Variants in IMMP2L observed in about 807,000 individuals in gnomAD.
The protein encoded by IMMP2L is mitochondrial inner membrane protease subunit 2.
A neutral mutation model predicts 19.3 loss-of-function variants in IMMP2L; 18 were observed. The observed-to-expected ratio is 0.93, with a 90% CI of 0.64 to 1.38. The LOEUF is 1.38. Among genes scored for constraint, IMMP2L ranks in the 40% most tolerant of loss-of-function variants. The pLI, the probability that IMMP2L is intolerant of heterozygous loss-of-function variation, is 0.00. For synonymous variants in IMMP2L, 76 were observed against 73.0 expected (o/e 1.04, Z -0.21); for missense variants, 233 against 218.2 (o/e 1.07, Z -0.43).
intron 1 of IMMP2L, among the ~76,000 whole-genome samples, chr7:111,553,333 T>C (rs1209050150): frequency 6.6e-6 from 1 of 152,140 alleles, no homozygotes; most frequent in Admixed American, 6.5e-5. Flanking sequence ...GTAAGGATGA[T>C]CATTCCTACA....
At chr7:111,472,821 T>G (rs988409692) in intron 3 of IMMP2L, among the ~76,000 whole-genome samples, 1 of 151,952 alleles carries the variant, frequency 6.6e-6, no homozygotes, top group Non-Finnish European at 1.5e-5. Flanking sequence ...CTATGCTGAG[T>G]GCAGTGGCTC....
chr7:111,016,823 TAATATATA>T (rs1563163096), intron 3 of IMMP2L, among the ~76,000 whole-genome samples: 21 of 56,538 alleles, frequency 3.7e-4, no homozygotes, highest in East Asian at 2.2e-3. Flanking sequence ...ATATTATATA[TAATATATA>T]GTATATATTA....
intron 3 of IMMP2L, among the ~76,000 whole-genome samples, chr7:111,243,906 C>T (rs1269182109): frequency 2.3e-3 from 3 of 1,324 alleles, no homozygotes; most frequent in African/African-American, 0.011. Flanking sequence ...TTTCTTAATC[C>T]AGTCTATCAT....
chr7:110,918,822 C>A (rs1258896996), intron 4 of IMMP2L, among the ~76,000 whole-genome samples: 1 of 152,088 alleles, frequency 6.6e-6, no homozygotes, highest in African/African-American at 2.4e-5. Flanking sequence ...AAAATAATTT[C>A]TCTAATAATT....
At chr7:110,879,964 T>C (rs1433661316) in intron 5 of IMMP2L, among the ~76,000 whole-genome samples, 5 of 152,102 alleles carry the variant, frequency 3.3e-5, no homozygotes, top group Admixed American at 3.3e-4. Flanking sequence ...TTCAGAAAAA[T>C]CATTAGTGAC....
chr7:111,296,126 A>G (rs1821612621), intron 3 of IMMP2L, among the ~76,000 whole-genome samples: 1 of 151,868 alleles, frequency 6.6e-6, no homozygotes, highest in Admixed American at 6.6e-5. Flanking sequence ...AATATTTGCA[A>G]TAAGTATATC....
chr7:111,551,928 G>A (rs945572277), intron 1 of IMMP2L, among the ~76,000 whole-genome samples: 6 of 152,086 alleles, frequency 3.9e-5, no homozygotes, highest in African/African-American at 1.4e-4. Context: ...GGTAGAGCAA[G>A]TACTAAAAGA....
intron 3 of IMMP2L, among the ~76,000 whole-genome samples, chr7:111,430,631 G>A (rs934619469): frequency 2.0e-5 from 3 of 151,762 alleles, no homozygotes; most frequent in Non-Finnish European, 2.9e-5. Context: ...TAGAAAAGTG[G>A]TGTGATAACT....
At position 111,121,943 on chromosome 7, in the gene IMMP2L, C is replaced by T. The variant is rs1380164894; in HGVS notation, c.240-158378G>A. On this transcript the variant is annotated intron_variant, in intron 3 of 5. Transcript: ENST00000405709. ...GTCCTTTGTAGGGACATGGATGAAGCTGGAAATCATCATTCTCAGCAAACT... is the reference window on the plus strand; with the variant it reads ...GTCCTTTGTAGGGACATGGATGAAGTTGGAAATCATCATTCTCAGCAAACT... Among the ~76,000 whole-genome samples the T allele has an allele frequency of 3.9e-5, 6 of 152,110 alleles. No individual in the cohort carries two copies. The East Asian group carries it at 9.7e-4, about 25-fold the overall frequency.
At chr7:110,925,109 C>T (rs1277181985) in intron 4 of IMMP2L, among the ~76,000 whole-genome samples, 4 of 151,990 alleles carry the variant, frequency 2.6e-5, no homozygotes, top group African/African-American at 7.2e-5. Context: ...AAGATATTAG[C>T]GCTAAAACAG....
intron 3 of IMMP2L, among the ~76,000 whole-genome samples, chr7:110,998,560 C>T (rs74687531): frequency 0.015 from 2,304 of 152,198 alleles, 52 homozygotes; most frequent in African/African-American, 0.052. Context: ...GCAATATGTA[C>T]GCTGCTCTTT....
At chr7:111,073,987 T>C (rs576791389) in intron 3 of IMMP2L, among the ~76,000 whole-genome samples, 3 of 152,298 alleles carry the variant, frequency 2.0e-5, no homozygotes, top group African/African-American at 4.8e-5. Context: ...CCCAGGACAA[T>C]GTCCAAGCTC....
At chr7:110,848,166 T>C (rs1201893256) in intron 5 of IMMP2L, among the ~76,000 whole-genome samples, 1 of 152,128 alleles carries the variant, frequency 6.6e-6, no homozygotes, top group Non-Finnish European at 1.5e-5. Context: ...AAATGTCTGA[T>C]AGAGAACTAT....
intron 4 of IMMP2L, among the ~76,000 whole-genome samples, chr7:110,887,153 TA>T (rs1810305377): frequency 6.6e-6 from 1 of 152,096 alleles, no homozygotes; most frequent in African/African-American, 2.4e-5. Context: ...CATAACCTCT[TA>T]ATACTCTAAA....
chr7:110,719,319 A>T (rs1326948846), intron 5 of IMMP2L, among the ~76,000 whole-genome samples: 2 of 152,246 alleles, frequency 1.3e-5, no homozygotes, highest in Non-Finnish European at 2.9e-5. Flanking sequence ...GGTAAAATTT[A>T]GAGTCCATAA....
intron 5 of IMMP2L, among the ~76,000 whole-genome samples, chr7:110,771,661 C>A (rs1293494506): frequency 6.6e-6 from 1 of 152,164 alleles, no homozygotes; most frequent in Non-Finnish European, 1.5e-5. Flanking sequence ...TAAATGTTAA[C>A]TAAACATACG....
At chr7:110,914,357 C>T (rs1014660004) in intron 4 of IMMP2L, among the ~76,000 whole-genome samples, 1 of 152,162 alleles carries the variant, frequency 6.6e-6, no homozygotes, top group Admixed American at 6.5e-5. Context: ...ATTGAGTGAG[C>T]TCAACCAATT....
chr7:110,836,428 T>G (rs1458041628), intron 5 of IMMP2L, among the ~76,000 whole-genome samples: 1 of 152,174 alleles, frequency 6.6e-6, no homozygotes, highest in Non-Finnish European at 1.5e-5. Context: ...TGTGCTGTTC[T>G]TGTGACAGTA....
At chr7:111,139,921 A>T (rs1802713099) in intron 3 of IMMP2L, among the ~76,000 whole-genome samples, 1 of 152,054 alleles carries the variant, frequency 6.6e-6, no homozygotes, top group African/African-American at 2.4e-5. Flanking sequence ...CAAAAACTGA[A>T]ACTCTAATTT....
Sources: allele counts gnomAD v4.1 joint callset (sites outside exome capture counted in the v4.1 genomes callset), GRCh38; gene constraint gnomAD v4.1.1; transcripts MANE v1.5; gene names NCBI Gene and HGNC (gene_info 2026-07-23, HGNC 2026-07-21).